The following STK26 variants were observed in gnomAD, a reference collection of about 807,000 sequenced individuals.
The protein encoded by STK26 is serine/threonine kinase 26.
STK26 carries 14 observed loss-of-function variants against 34.7 expected under a neutral mutation model. The observed-to-expected ratio is 0.40, with a 90% CI of 0.27 to 0.63. STK26 has a LOEUF of 0.63. STK26 is among the 30% of genes least tolerant of loss of function. The pLI, the probability that STK26 is intolerant of heterozygous loss-of-function variation, is 0.38. For missense variants in STK26, 226 were observed against 309.1 expected, an observed-to-expected ratio of 0.73 and a Z score of 2.02; for synonymous variants, 100 against 109.8, an observed-to-expected ratio of 0.91 and a Z score of 0.56.
chrX:132,057,043 G>A (rs759897167), intron 3 of STK26, among the ~76,000 whole-genome samples: 2 of 112,233 alleles, frequency 1.8e-5, no homozygotes, highest in South Asian at 3.7e-4. Flanking sequence ...TGGGGTGTGA[G>A]CTAGCTCACT....
chrX:132,073,401 A>T (rs1330511013), intron 11 of STK26, among the ~76,000 whole-genome samples: 1 of 111,621 alleles, frequency 9.0e-6, no homozygotes, highest in African/African-American at 3.3e-5. Context: ...TCTTATTAAT[A>T]TAATTGTGGA....
intron 2 of STK26, among the ~76,000 whole-genome samples, chrX:132,046,933 A>T (rs1926516543): frequency 8.9e-6 from 1 of 112,443 alleles, no homozygotes; most frequent in Non-Finnish European, 1.9e-5. Context: ...GTAAAAATGT[A>T]AGTATACCAT....
Position 132,036,066 on chromosome X carries a change from GA to G in STK26, c.42+12410del, listed in dbSNP as rs377509296. Among the ~76,000 whole-genome samples, 326 of 111,742 alleles carry G rather than the reference GA, an allele frequency of 2.9e-3. 2 individuals carry two copies. Among genetic ancestry groups the G allele is most frequent in the African/African-American group, 9.9e-3 (305 of 30,718 alleles). On this transcript the variant is annotated intron_variant, in intron 2 of 11. Coordinates refer to ENST00000394334, the MANE Select transcript of STK26 (RefSeq NM_016542.4). ...TCGTTTGCCAACAGGTACCCAGTAG[GA>G]AAGCTCTGAGTTTAGTTCAAACAAA...
intron 2 of STK26, among the ~76,000 whole-genome samples, chrX:132,043,701 T>C (rs1343436657): frequency 9.0e-6 from 1 of 111,544 alleles, no homozygotes; most frequent in Non-Finnish European, 1.9e-5. Flanking sequence ...AGGCCTCTAA[T>C]CTTTGCATTA....
intron 2 of STK26, among the ~76,000 whole-genome samples, chrX:132,034,463 C>T (rs976282258): frequency 5.9e-4 from 64 of 107,977 alleles, no homozygotes; most frequent in African/African-American, 1.9e-3. Context: ...CCTGCCACTA[C>T]GCCTGGCTAA....
intron 2 of STK26, among the ~76,000 whole-genome samples, chrX:132,035,459 A>G (rs944987941): frequency 5.5e-5 from 6 of 110,061 alleles, no homozygotes; most frequent in African/African-American, 2.0e-4. Flanking sequence ...TAATTTTTAC[A>G]ATAATTTTAT....
chrX:132,039,940 A>G (rs748404039), intron 2 of STK26, among the ~76,000 whole-genome samples: 1 of 111,298 alleles, frequency 9.0e-6, no homozygotes, highest in East Asian at 2.8e-4. Context: ...TGTCTTCTCA[A>G]TTCTCTCAAG....
chrX:132,055,736 G>C (rs1185333956), intron 3 of STK26, among the ~76,000 whole-genome samples: 7 of 112,096 alleles, frequency 6.2e-5, no homozygotes, highest in African/African-American at 2.3e-4. Flanking sequence ...TTAAAAGGAG[G>C]GAAGTGTTTG....
chrX:132,032,102 G>A (rs1168095286), intron 2 of STK26, among the ~76,000 whole-genome samples: 1 of 111,610 alleles, frequency 9.0e-6, no homozygotes, highest in African/African-American at 3.3e-5. Flanking sequence ...GCTACAGGAT[G>A]CATCTAAAAA....
At chrX:132,027,904 G>A (rs763442175) in intron 2 of STK26, among the ~76,000 whole-genome samples, 1 of 108,410 alleles carries the variant, frequency 9.2e-6, no homozygotes, top group South Asian at 4.1e-4. Flanking sequence ...CACCCAGACT[G>A]TAGTGCAGTG....
At chrX:132,063,330 A>G (rs1413585758) in intron 3 of STK26, 103 bp from the exon 4 acceptor site, 1 of 703,749 alleles carries the variant, frequency 1.4e-6, no homozygotes, top group African/African-American at 2.2e-5. Context: ...AAATGAGAAC[A>G]TGCAAATAGA....
rs1351136264 is a variant in STK26, at chrX:132,074,724, A to G, written c.*565A>G. 9.0e-6 allele frequency: 1 copy of G among 111,539 alleles called. No individual in the cohort carries two copies. The highest frequency in any genetic ancestry group is 1.9e-5 in the Non-Finnish European group (1 of 52,965). 9.2% of individuals were successfully genotyped at this position (111,539 alleles called of 1,213,427 possible). ...GTTGGTATGATATTCCAGGCAGCTC[A>G]ATGATTATCACATTTGAGACCCTGT... On this transcript the variant is annotated 3_prime_UTR_variant, in exon 12 of 12. Coordinates refer to ENST00000394334, the MANE Select transcript of STK26 (RefSeq NM_016542.4).
chrX:132,040,299 G>C (rs773267410), intron 2 of STK26, among the ~76,000 whole-genome samples: 2 of 112,293 alleles, frequency 1.8e-5, no homozygotes, highest in African/African-American at 3.2e-5. Flanking sequence ...TACTTTCACT[G>C]AGGTTGTGGA....
chrX:132,074,232 C>A lies in STK26; in HGVS notation c.*73C>A. The A allele has an allele frequency of 9.6e-7, 1 of 1,042,196 alleles. No individual in the cohort carries two copies. Among genetic ancestry groups the A allele is most frequent in the Non-Finnish European group, 1.3e-6 (1 of 759,954 alleles). 85.9% of individuals were successfully genotyped at this position (1,042,196 alleles called of 1,213,427 possible). A position where few individuals can be genotyped will look rare whatever the true frequency, so the allele number is the denominator to read the frequency against. Reference sequence around the variant, plus strand: ...CAAACCTACGTCAAGATTAACAATGCTTAACCCATGAGCTCCATGTGCCTT... The same window carrying A: ...CAAACCTACGTCAAGATTAACAATGATTAACCCATGAGCTCCATGTGCCTT... On this transcript the variant is annotated 3_prime_UTR_variant, in exon 12 of 12. Coordinates refer to ENST00000394334, the MANE Select transcript of STK26 (RefSeq NM_016542.4).
In STK26 at chrX:132,069,539, C is replaced by G; in HGVS notation, c.659C>G (p.Ser220Cys). The change falls in exon 7 of 12, where the codon TCC becomes TGC. Residue 220 changes from serine to cysteine, a missense_variant. By Grantham distance (112) the Ser-to-Cys change is moderately radical. Transcript: ENST00000394334. The stretch of plus-strand genomic sequence containing the variant: ...CTAGCCAAGGGAGAGCCACCTAACT[C>G]CGATATGCATCCAATGAGAGTTCTG... ...IELAKGEPPN[S>C]DMHPMRVLFL... 1.7e-6 allele frequency: 2 copies of G among 1,177,511 alleles called. No individual in the cohort carries two copies. The highest frequency in any genetic ancestry group is 2.3e-6 in the Non-Finnish European group (2 of 879,228).
intron 6 of STK26, among the ~76,000 whole-genome samples, chrX:132,068,865 T>C (rs1475545831): frequency 9.0e-6 from 1 of 110,864 alleles, no homozygotes; most frequent in East Asian, 2.8e-4. Context: ...CTCCTACCAC[T>C]CTCTTCTAGA....
intron 3 of STK26, among the ~76,000 whole-genome samples, chrX:132,057,961 G>A (rs1926913109): frequency 9.0e-6 from 1 of 111,686 alleles, no homozygotes; most frequent in African/African-American, 3.3e-5. Flanking sequence ...TCCTTTTCAG[G>A]AGTGGCATGA....
At chrX:132,040,244 G>A (rs895470222) in intron 2 of STK26, among the ~76,000 whole-genome samples, 1 of 112,748 alleles carries the variant, frequency 8.9e-6, no homozygotes, top group African/African-American at 3.2e-5. Flanking sequence ...GGGGCATTAA[G>A]CCCGACTGAG....
chrX:132,039,789 T>C (rs1365681709), intron 2 of STK26, among the ~76,000 whole-genome samples: 2 of 112,193 alleles, frequency 1.8e-5, no homozygotes, highest in Non-Finnish European at 3.8e-5. Context: ...CTGGCAAATA[T>C]TTTGATTCCT....
Sources: allele counts gnomAD v4.1 joint callset (sites outside exome capture counted in the v4.1 genomes callset), GRCh38; gene constraint gnomAD v4.1.1; transcripts MANE v1.5; gene names NCBI Gene and HGNC (gene_info 2026-07-23, HGNC 2026-07-21).